BARX2: variants seen among roughly 807,000 people sequenced by gnomAD.
The protein encoded by BARX2 is homeobox protein BarH-like 2.
A neutral mutation model predicts 25.5 loss-of-function variants in BARX2; 11 were observed. The ratio of observed to expected loss-of-function variants is 0.43; its 90% CI spans 0.27 to 0.71. The LOEUF is 0.71. Ranked by LOEUF, BARX2 falls within the 30% of genes least tolerant of loss-of-function variation. BARX2 has a pLI of 0.19. For missense variants in BARX2, 360 were observed against 359.9 expected (o/e 1.00, Z 0.00); for synonymous variants, 137 against 149.5 (o/e 0.92, Z 0.61).
intron 1 of BARX2, among the ~76,000 whole-genome samples, chr11:129,427,933 A>G (rs61911228): frequency 0.13 from 19,685 of 152,188 alleles, 1,374 homozygotes; most frequent in Middle Eastern, 0.17. Context: ...CATCTCCCCA[A>G]GCTCCCAGGA....
chr11:129,450,714 TGACTTG>T (rs1200700893), intron 3 of BARX2, among the ~76,000 whole-genome samples: 2 of 152,244 alleles, frequency 1.3e-5, no homozygotes, highest in African/African-American at 2.4e-5. Context: ...TTAAGGCTTT[TGACTTG>T]AACTCTCAGG....
At chr11:129,379,445 G>A (rs756581463) in intron 1 of BARX2, among the ~76,000 whole-genome samples, 5 of 152,058 alleles carry the variant, frequency 3.3e-5, no homozygotes, top group Admixed American at 6.5e-5. Flanking sequence ...AGCATTGACC[G>A]TCATTACAAA....
At position 129,442,896 on chromosome 11, in the gene BARX2, C is replaced by T. The variant is rs1456206651; in HGVS notation, c.550C>T (p.Arg184Cys). Residue 184 changes from arginine to cysteine, a missense_variant, in exon 3 of 4, where the codon CGC (arginine) becomes TGC (cysteine). Arg to Cys is a radical substitution (Grantham distance 180). This residue lies in a region of BARX2 where 6 missense variants were observed against 21.8 expected (regional missense o/e 0.28). Transcript: ENST00000281437. ...GCAGGTGAAGACCTGGTATCAGAAT[C>T]GCAGGATGAAATGGAAGAAAATGGT... Reference protein sequence around the residue: ...QLQVKTWYQNRRMKWKKMVLK... With the variant: ...QLQVKTWYQNCRMKWKKMVLK... 11 of 1,613,524 alleles carry T rather than the reference C, an allele frequency of 6.8e-6. No homozygotes were observed. The highest frequency in any genetic ancestry group is 1.3e-5 in the African/African-American group (1 of 74,876).
intron 1 of BARX2, among the ~76,000 whole-genome samples, chr11:129,408,232 A>G (rs186957143): frequency 1.3e-5 from 2 of 152,246 alleles, no homozygotes; most frequent in Admixed American, 6.5e-5. Flanking sequence ...ACTGGAAGAT[A>G]TATTCGGTTC....
intron 1 of BARX2, among the ~76,000 whole-genome samples, chr11:129,432,592 T>C (rs1261010722): frequency 8.5e-5 from 13 of 152,232 alleles, no homozygotes; most frequent in Admixed American, 7.2e-4. Flanking sequence ...ACACATTTTA[T>C]ACTCAATTTC....
intron 1 of BARX2, among the ~76,000 whole-genome samples, chr11:129,387,353 G>C (rs542192218): frequency 1.3e-5 from 2 of 152,310 alleles, no homozygotes; most frequent in Non-Finnish European, 1.5e-5. Flanking sequence ...CTGTTCACTT[G>C]CAACAAATCT....
chr11:129,424,891 G>A, intron 1 of BARX2, among the ~76,000 whole-genome samples: 1 of 152,170 alleles, frequency 6.6e-6, no homozygotes, highest in Non-Finnish European at 1.5e-5. Context: ...AAGCAGTGTT[G>A]TGACTTCTTA....
chr11:129,420,966 G>T (rs1440840870), intron 1 of BARX2, among the ~76,000 whole-genome samples: 1 of 152,180 alleles, frequency 6.6e-6, no homozygotes, highest in Admixed American at 6.5e-5. Flanking sequence ...ATTTACGGAT[G>T]AGGAATATTC....
intron 1 of BARX2, among the ~76,000 whole-genome samples, chr11:129,379,526 G>A (rs1253384691): frequency 2.0e-5 from 3 of 151,748 alleles, no homozygotes; most frequent in Non-Finnish European, 4.4e-5. Flanking sequence ...TTCTTTTTCC[G>A]GTTGTGATTA....
At chr11:129,430,984 C>A (rs1047862065) in intron 1 of BARX2, among the ~76,000 whole-genome samples, 1 of 152,182 alleles carries the variant, frequency 6.6e-6, no homozygotes, top group Non-Finnish European at 1.5e-5. Context: ...GCCACAGCCT[C>A]CTAAGTAGCT....
At chr11:129,428,350 T>C (rs951003040) in intron 1 of BARX2, among the ~76,000 whole-genome samples, 1 of 152,350 alleles carries the variant, frequency 6.6e-6, no homozygotes, top group Non-Finnish European at 1.5e-5. Flanking sequence ...ACTTAAGAGT[T>C]GTACGTTATC....
intron 3 of BARX2, among the ~76,000 whole-genome samples, chr11:129,445,436 C>T (rs143623526): frequency 6.6e-5 from 10 of 152,354 alleles, no homozygotes; most frequent in Non-Finnish European, 1.3e-4. Flanking sequence ...TCGTCTCTGA[C>T]GTCACTTGTT....
chr11:129,376,363 G>C lies in BARX2; in HGVS notation c.187+141G>C. ...TGCGCCTCAGCAAGCGGTGGGCATTGCAAAGGCATCTGCGACGTGGCCGGG... is the reference window on the plus strand; with the variant it reads ...TGCGCCTCAGCAAGCGGTGGGCATTCCAAAGGCATCTGCGACGTGGCCGGG... On this transcript the variant is annotated intron_variant, in intron 1 of 3. Transcript: ENST00000281437. This position sits in a 1 kb window ranked among gnomAD's most constrained non-coding sequence, Gnocchi z 4.2. 1.1e-6 allele frequency: 1 copy of C among 879,830 alleles called. No individual in the cohort carries two copies. Among genetic ancestry groups the C allele is most frequent in the Non-Finnish European group, 1.7e-6 (1 of 591,978 alleles). The allele number at this position is 879,830 out of a possible 1,614,324, so 54.5% of individuals were successfully genotyped here. A position where few individuals can be genotyped will look rare whatever the true frequency, so the allele number is the denominator to read the frequency against.
intron 1 of BARX2, among the ~76,000 whole-genome samples, chr11:129,399,131 A>G (rs758857578): frequency 1.3e-5 from 2 of 152,202 alleles, no homozygotes; most frequent in Admixed American, 6.5e-5. Context: ...GATTGGCCCA[A>G]TGGATTAGCC....
In BARX2 at chr11:129,437,257, G is replaced by T. The variant is rs1198472875; in HGVS notation, c.488+206G>T. The T allele has an allele frequency of 6.6e-6, 4 of 606,348 alleles. No homozygotes were observed. The East Asian group carries it at 1.3e-4, about 20-fold the overall frequency. The allele number at this position is 606,348 out of a possible 1,614,324, so 37.6% of individuals were successfully genotyped here. The stretch of plus-strand genomic sequence containing the variant: ...CACACGGTCCCTGGAGCCTGCCTGC[G>T]GCTAAACTTAACTCACCACTTTATC... On this transcript the variant is annotated intron_variant, in intron 2 of 3. Coordinates refer to ENST00000281437, the MANE Select transcript of BARX2 (RefSeq NM_003658.5).
Position 129,376,085 on chromosome 11 carries a change from C to A in BARX2, c.50C>A (p.Ala17Glu), listed in dbSNP as rs761383870. The A allele has an allele frequency of 1.4e-5, 22 of 1,610,736 alleles. No homozygotes were observed. The highest frequency in any genetic ancestry group is 1.8e-5 in the Non-Finnish European group (21 of 1,178,736). ...LRLSSPGQLK[A>E]ARRRYKTFMI... ...CTGAGCTCGCCCGGCCAGCTCAAAG[C>A]AGCCAGGCGGCGCTACAAGACTTTC... Residue 17 changes from alanine to glutamate, a missense_variant, in exon 1 of 4, where the codon GCA becomes GAA. Physicochemically the swap from Ala to Glu is moderately radical, Grantham distance 107 (BLOSUM62 -1). Transcript: ENST00000281437. This position sits in a 1 kb window ranked among gnomAD's most constrained non-coding sequence, Gnocchi z 4.2.
intron 1 of BARX2, among the ~76,000 whole-genome samples, chr11:129,430,101 C>T (rs1184925030): frequency 6.6e-6 from 1 of 152,156 alleles, no homozygotes; most frequent in Non-Finnish European, 1.5e-5. Flanking sequence ...CAGTTGGCTG[C>T]TTTTCTGGAG....
At chr11:129,438,390 G>C (rs1862218418) in intron 2 of BARX2, 1 of 151,668 alleles carries the variant, frequency 6.6e-6, no homozygotes, top group Admixed American at 6.6e-5. Context: ...TGACTCTGGA[G>C]ATGGCTGAGC....
intron 1 of BARX2, among the ~76,000 whole-genome samples, chr11:129,430,606 T>C (rs1180909551): frequency 1.3e-5 from 2 of 152,190 alleles, no homozygotes; most frequent in African/African-American, 4.8e-5. Context: ...AAAAATTATA[T>C]AACCACCACC....
Sources: gnomAD v4.1 joint callset for allele counts (sites outside exome capture counted in the v4.1 genomes callset) on GRCh38, gnomAD v4.1.1 for gene constraint, gnomAD v4.1.1 regional missense constraint, Gnocchi (gnomAD v3.1) non-coding constraint, MANE v1.5 for transcripts, NCBI Gene and HGNC (gene_info 2026-07-23, HGNC 2026-07-21) for gene names.